Variants in CLMN observed in about 807,000 individuals in gnomAD.
The protein encoded by CLMN is calmin (calponin-like, transmembrane).
CLMN carries 57 observed loss-of-function variants against 92.7 expected under a neutral mutation model. The ratio of observed to expected loss-of-function variants is 0.61; its 90% CI spans 0.50 to 0.77. The LOEUF (loss-of-function observed/expected upper bound fraction) is 0.77. CLMN is among the 30% of genes least tolerant of loss of function. The probability of loss-of-function intolerance (pLI) is 0.00; values close to 1 mark genes in which losing one functional copy is unlikely to be tolerated. For synonymous variants in CLMN, 466 were observed against 470.6 expected (o/e 0.99, Z 0.13); for missense variants, 1,158 against 1,237.5 (o/e 0.94, Z 0.96).
At chr14:95,293,242 TTCCTTCCCTCCCTCCTTCCCTCCCTCCC>T (rs1900656359) in intron 1 of CLMN, among the ~76,000 whole-genome samples, 4 of 64,028 alleles carry the variant, frequency 6.2e-5, no homozygotes, top group African/African-American at 2.2e-4. Context: ...CCCTCCCTCC[TTCCTTCCCTCCCTCCTTCCCTCCCTCCC>T]TCCTTCTTTT....
In CLMN at chr14:95,256,729, A is replaced by G. The variant is rs556306686; in HGVS notation, c.83-26596T>C. The stretch of plus-strand genomic sequence containing the variant: ...GCGTGTGTCTAGGCTGGGATGGGAG[A>G]GAAATTGCCAAATGTAGGGCCCTGG... On this transcript the variant is annotated intron_variant, in intron 1 of 12. Coordinates refer to ENST00000298912, the MANE Select transcript of CLMN (RefSeq NM_024734.4). This position sits in a 1 kb window ranked among gnomAD's most constrained non-coding sequence, Gnocchi z 4.9. Among the ~76,000 whole-genome samples the G allele has an allele frequency of 6.6e-6, 1 of 152,260 alleles. No individual in the cohort carries two copies. Among genetic ancestry groups the G allele is most frequent in the South Asian group, 2.1e-4 (1 of 4,822 alleles).
At chr14:95,307,123 G>A (rs1018939312) in intron 1 of CLMN, among the ~76,000 whole-genome samples, 1 of 152,164 alleles carries the variant, frequency 6.6e-6, no homozygotes, top group Admixed American at 6.5e-5. Flanking sequence ...TAGCAACCAG[G>A]AGAAGTTGGG....
chr14:95,209,575 G>A (rs1897138490), intron 7 of CLMN, 98 bp from the exon 8 acceptor site: 3 of 980,754 alleles, frequency 3.1e-6, no homozygotes, highest in Admixed American at 3.6e-5. Context: ...ACAGATTATT[G>A]AAGGTTTTTT....
Position 95,286,363 on chromosome 14 carries a change from T to C in CLMN, c.82+33348A>G, listed in dbSNP as rs142131608. ...ACATGGATGAACCTCAAAAACATTA[T>C]GCTAAGAAGCCAGGCACAGGTTACA... On this transcript the variant is annotated intron_variant, in intron 1 of 12. Coordinates refer to ENST00000298912, the MANE Select transcript of CLMN (RefSeq NM_024734.4). Among the ~76,000 whole-genome samples, 383 of 152,318 alleles carry C rather than the reference T, an allele frequency of 2.5e-3. 1 individual carries two copies. The highest frequency in any genetic ancestry group is 0.02 in the Middle Eastern group (6 of 294).
Position 95,319,870 on chromosome 14 carries a change from G to T in CLMN, c.-78C>A, listed in dbSNP as rs1901974459. 2 of 788,868 alleles carry T rather than the reference G, an allele frequency of 2.5e-6. No homozygotes were observed. The highest frequency in any genetic ancestry group is 3.1e-6 in the Non-Finnish European group (2 of 651,982). 48.9% of individuals were successfully genotyped at this position (788,868 alleles called of 1,614,324 possible). On this transcript the variant is annotated 5_prime_UTR_variant, in exon 1 of 13. Transcript: ENST00000298912. ...GAGCCTGGCTGGCGGGCGCGCGAGCGGCACGCACCCGGCGAGGGCGCCGCG... is the reference window on the plus strand; with the variant it reads ...GAGCCTGGCTGGCGGGCGCGCGAGCTGCACGCACCCGGCGAGGGCGCCGCG...
intron 10 of CLMN, among the ~76,000 whole-genome samples, chr14:95,195,510 G>C (rs11848957): frequency 0.18 from 26,949 of 152,186 alleles, 3,624 homozygotes; most frequent in African/African-American, 0.37. Flanking sequence ...CTGTCTGTAT[G>C]GGCTTCTCCC....
chr14:95,196,406 C>T, intron 10 of CLMN, 92 bp downstream of exon 10: 1 of 1,257,572 alleles, frequency 8.0e-7, no homozygotes, highest in Non-Finnish European at 1.1e-6. Flanking sequence ...CAATCCCATG[C>T]CTGCACCTCC....
intron 1 of CLMN, among the ~76,000 whole-genome samples, chr14:95,297,261 C>T (rs1375925848): frequency 5.3e-5 from 8 of 152,140 alleles, no homozygotes; most frequent in Admixed American, 3.9e-4. Flanking sequence ...CCAAAATGGC[C>T]ACTTTTGTGC....
At chr14:95,247,180 T>C (rs1010367752) in intron 1 of CLMN, among the ~76,000 whole-genome samples, 3 of 152,126 alleles carry the variant, frequency 2.0e-5, no homozygotes, top group Non-Finnish European at 4.4e-5. Context: ...TATGGCTATA[T>C]TGGTGGAATT....
At chr14:95,239,328 G>A (rs1898166896) in intron 1 of CLMN, among the ~76,000 whole-genome samples, 1 of 152,164 alleles carries the variant, frequency 6.6e-6, no homozygotes, top group Non-Finnish European at 1.5e-5. Context: ...TGAACGCAGG[G>A]AAGGAAGGAG....
chr14:95,191,488 C>T lies in CLMN; in HGVS notation c.*76G>A, dbSNP rs1171068802. On this transcript the variant is annotated 3_prime_UTR_variant, in exon 13 of 13. Transcript: ENST00000298912. This position sits in a 1 kb window ranked among gnomAD's most constrained non-coding sequence, Gnocchi z 5.3. ...CTCAACTGTCTGTAGAAGTGCCCCACCCAGAACCCAAAATAAAATGAAGTA... is the reference window on the plus strand; with the variant it reads ...CTCAACTGTCTGTAGAAGTGCCCCATCCAGAACCCAAAATAAAATGAAGTA... 6.6e-6 allele frequency: 9 copies of T among 1,363,390 alleles called. No individual in the cohort carries two copies. In the East Asian group the frequency reaches 1.7e-4, roughly 26 times the overall value. 84.5% of individuals were successfully genotyped at this position (1,363,390 alleles called of 1,614,324 possible).
chr14:95,211,365 CAGA>C (rs1328408427), intron 6 of CLMN, among the ~76,000 whole-genome samples: 3 of 152,122 alleles, frequency 2.0e-5, no homozygotes, highest in Non-Finnish European at 4.4e-5. Context: ...AGCCTGGCCC[CAGA>C]AGAACGGCCA....
At position 95,223,974 on chromosome 14, in the gene CLMN, G is replaced by T. The variant is rs1897629973; in HGVS notation, c.145-119C>A. The T allele has an allele frequency of 8.5e-6, 6 of 706,930 alleles. 1 individual carries two copies. The South Asian group carries it at 9.5e-5, about 11-fold the overall frequency. The allele number at this position is 706,930 out of a possible 1,614,324, so 43.8% of individuals were successfully genotyped here. ...TCCAAACATCCAGCTCTGTTTACAGGTAGAAAAGCCCATCCAAGGAGGTAG... is the reference window on the plus strand; with the variant it reads ...TCCAAACATCCAGCTCTGTTTACAGTTAGAAAAGCCCATCCAAGGAGGTAG... On this transcript the variant is annotated intron_variant, in intron 2 of 12. Transcript: ENST00000298912.
intron 1 of CLMN, among the ~76,000 whole-genome samples, chr14:95,245,213 T>TATATATATA (rs1898456715): frequency 1.9e-4 from 6 of 31,750 alleles, no homozygotes; most frequent in Non-Finnish European, 1.9e-4. Flanking sequence ...ATATATTATA[T>TATATATATA]ATATATATAT....
At chr14:95,287,058 C>G (rs900539563) in intron 1 of CLMN, among the ~76,000 whole-genome samples, 3 of 152,220 alleles carry the variant, frequency 2.0e-5, no homozygotes, top group Non-Finnish European at 4.4e-5. Flanking sequence ...CTTCTGTCAC[C>G]TTCACTAGAA....
At chr14:95,291,482 A>G (rs558354202) in intron 1 of CLMN, among the ~76,000 whole-genome samples, 1 of 152,218 alleles carries the variant, frequency 6.6e-6, no homozygotes, top group Non-Finnish European at 1.5e-5. Flanking sequence ...TCATCCCCAG[A>G]GCTCCAGGTT....
chr14:95,260,539 C>T (rs909407860), intron 1 of CLMN: 20 of 152,076 alleles, frequency 1.3e-4, no homozygotes, highest in African/African-American at 3.6e-4. Context: ...TGAGTGGAGA[C>T]GTTATCTTAG....
chr14:95,191,526 G>A lies in CLMN; in HGVS notation c.*38C>T. 2 of 1,568,326 alleles carry A rather than the reference G, an allele frequency of 1.3e-6. No individual in the cohort carries two copies. The highest frequency in any genetic ancestry group is 1.7e-6 in the Non-Finnish European group (2 of 1,156,264). ...ATAAAATGAAGTAACCCCGCCCCTG[G>A]TCAGGGTCCTGTCTTTTTTATTATC... On this transcript the variant is annotated 3_prime_UTR_variant, in exon 13 of 13. Transcript: ENST00000298912. The surrounding 1 kb of genome is among the most constrained non-coding windows in gnomAD (Gnocchi z 5.3).
At chr14:95,290,221 C>T (rs56942410) in intron 1 of CLMN, among the ~76,000 whole-genome samples, 12,282 of 152,214 alleles carry the variant, frequency 0.081, 678 homozygotes, top group African/African-American at 0.15. Flanking sequence ...GCCCTGGGTC[C>T]GCCCCGCCCA....
Sources: allele counts gnomAD v4.1 joint callset (sites outside exome capture counted in the v4.1 genomes callset), GRCh38; gene constraint gnomAD v4.1.1; non-coding constraint Gnocchi (gnomAD v3.1); transcripts MANE v1.5; gene names NCBI Gene and HGNC (gene_info 2026-07-23, HGNC 2026-07-21).